Variants in GRM1 observed in about 807,000 individuals in gnomAD.
GRM1 encodes glutamate metabotropic receptor 1.
A neutral mutation model predicts 90.9 loss-of-function variants in GRM1; 33 were observed. The observed-to-expected ratio is 0.36, with a 90% CI of 0.28 to 0.49. GRM1 has a LOEUF of 0.49. Among genes scored for constraint, GRM1 ranks in the 20% least tolerant of loss-of-function variants. The pLI is 0.99. For missense variants in GRM1, 1,190 were observed against 1,534.3 expected, an observed-to-expected ratio of 0.78 and a Z score of 3.75; for synonymous variants, 700 against 613.2, an observed-to-expected ratio of 1.14 and a Z score of -2.09.
intron 2 of GRM1, among the ~76,000 whole-genome samples, chr6:146,298,367 G>C (rs1783260021): frequency 6.6e-6 from 1 of 152,114 alleles, no homozygotes. Context: ...TTTAGAATGA[G>C]AGATCACTAA....
intron 2 of GRM1, among the ~76,000 whole-genome samples, chr6:146,251,121 G>A (rs1322571675): frequency 1.3e-5 from 2 of 152,180 alleles, no homozygotes; most frequent in Non-Finnish European, 2.9e-5. Flanking sequence ...AACGTTAGTG[G>A]CCATCTATCT....
Position 146,434,815 on chromosome 6 carries a change from GA to G in GRM1, c.*23del. 1 of 1,584,728 alleles carries G rather than the reference GA, an allele frequency of 6.3e-7. No individual in the cohort carries two copies. The highest frequency in any genetic ancestry group is 8.6e-7 in the Non-Finnish European group (1 of 1,167,214). On this transcript the variant is annotated 3_prime_UTR_variant, in exon 8 of 8. Transcript: ENST00000282753. ...CCTGTAAGGGGGAAGGGTCCACATA[GA>G]AAAGCAAGACAAGCCAGAGATCTCC...
At chr6:146,246,809 A>G (rs1231730388) in intron 2 of GRM1, among the ~76,000 whole-genome samples, 10 of 152,206 alleles carry the variant, frequency 6.6e-5, no homozygotes, top group African/African-American at 2.4e-4. Context: ...TCCAAGTTAT[A>G]AAAGTTTTTG....
At chr6:146,325,371 G>A (rs746499863) in intron 3 of GRM1, among the ~76,000 whole-genome samples, 6 of 152,204 alleles carry the variant, frequency 3.9e-5, no homozygotes, top group Non-Finnish European at 7.3e-5. Flanking sequence ...TTGCATGGGT[G>A]TGAGAAACCA....
chr6:146,030,264 A>G (rs754221806), intron 1 of GRM1, 47 bp downstream of exon 1: 28 of 1,216,642 alleles, frequency 2.3e-5, no homozygotes, highest in Non-Finnish European at 3.0e-5. Context: ...AGTCAGGGCA[A>G]TGCATGATGT....
chr6:146,329,451 C>T (rs1452381216), intron 3 of GRM1, among the ~76,000 whole-genome samples: 1 of 152,114 alleles, frequency 6.6e-6, no homozygotes, highest in African/African-American at 2.4e-5. Flanking sequence ...GATCTTGAGA[C>T]CCCTGGCTTT....
intron 2 of GRM1, among the ~76,000 whole-genome samples, chr6:146,232,189 C>T (rs939037418): frequency 6.6e-6 from 1 of 152,106 alleles, no homozygotes; most frequent in East Asian, 1.9e-4. Context: ...ACCACACACT[C>T]GTGGATTAAG....
At chr6:146,172,804 T>C (rs143413167) in intron 2 of GRM1, among the ~76,000 whole-genome samples, 13 of 152,300 alleles carry the variant, frequency 8.5e-5, no homozygotes, top group African/African-American at 2.6e-4. Context: ...TTTGTTTTTG[T>C]CATATTTAAT....
intron 2 of GRM1, among the ~76,000 whole-genome samples, chr6:146,222,722 C>T (rs1333020819): frequency 1.3e-5 from 2 of 152,008 alleles, no homozygotes; most frequent in African/African-American, 4.8e-5. Flanking sequence ...TAGATGCACC[C>T]TAAAATAATG....
intron 3 of GRM1, among the ~76,000 whole-genome samples, chr6:146,347,973 A>G (rs1320600774): frequency 6.6e-6 from 1 of 152,238 alleles, no homozygotes; most frequent in Admixed American, 6.5e-5. Flanking sequence ...AGCTATTTTC[A>G]TAACCCACTG....
rs571622585 is a variant in GRM1, at chr6:146,418,270, C to T, written c.2661-15602C>T. Reference sequence around the variant, plus strand: ...AGTGAAAGAAAATATGTATGCAGCCCCATATAGTATCTTAGTTCCTGGGGT... The same window carrying T: ...AGTGAAAGAAAATATGTATGCAGCCTCATATAGTATCTTAGTTCCTGGGGT... On this transcript the variant is annotated intron_variant, in intron 7 of 7. Transcript: ENST00000282753. Among the ~76,000 whole-genome samples the T allele has an allele frequency of 1.5e-4, 22 of 151,688 alleles. No homozygotes were observed. In the South Asian group the frequency reaches 4.6e-3, roughly 32 times the overall value.
intron 2 of GRM1, among the ~76,000 whole-genome samples, chr6:146,174,064 C>T (rs1778244882): frequency 6.6e-6 from 1 of 151,854 alleles, no homozygotes; most frequent in South Asian, 2.1e-4. Flanking sequence ...CATCTTATCT[C>T]TAAGAGATAA....
chr6:146,052,348 C>T (rs897469231), intron 1 of GRM1, among the ~76,000 whole-genome samples: 12 of 152,008 alleles, frequency 7.9e-5, no homozygotes, highest in African/African-American at 2.9e-4. Flanking sequence ...GTTGTCACTT[C>T]TGGCTGCTCA....
chr6:146,130,717 T>G (rs1167502734), intron 1 of GRM1, among the ~76,000 whole-genome samples: 5 of 152,128 alleles, frequency 3.3e-5, no homozygotes. Context: ...GACACCTAAT[T>G]TTTGAGAAAT....
In GRM1 at chr6:146,079,409, T is replaced by C. The variant is rs555944560; in HGVS notation, c.700+49192T>C. The stretch of plus-strand genomic sequence containing the variant: ...GGAAAGGGTTAAAGTAAAAAGGGGG[T>C]ACTCTGCCAAAGAAGGGACCCCAAA... On this transcript the variant is annotated intron_variant, in intron 1 of 7. Transcript: ENST00000282753. 1.6e-4 allele frequency among the ~76,000 whole-genome samples: 24 copies of C among 152,208 alleles called. No homozygotes were observed. In the South Asian group the frequency reaches 4.6e-3, roughly 29 times the overall value.
chr6:146,267,631 GGCTGGGCTGC>G (rs1781943833), intron 2 of GRM1, among the ~76,000 whole-genome samples: 1 of 137,608 alleles, frequency 7.3e-6, no homozygotes, highest in African/African-American at 3.2e-5. Context: ...GGCTGGGCTG[GGCTGGGCTGC>G]GCTGGGCTGG....
rs372590505 is a variant in GRM1, at chr6:146,159,641, T to TCTCACACACA, written c.950+45_950+46insTCACACACAC. The TCTCACACACA allele has an allele frequency of 3.6e-3, 2,579 of 726,264 alleles. 18 individuals are homozygous for TCTCACACACA. The highest frequency in any genetic ancestry group is 0.022 in the African/African-American group (1,280 of 58,854). 45.0% of individuals were successfully genotyped at this position (726,264 alleles called of 1,614,324 possible). A position where few individuals can be genotyped will look rare whatever the true frequency, so the allele number is the denominator to read the frequency against. ...CTCTCTCTCTCTCTCTCTCTCTCTC[T>TCTCACACACA]CACACACACACATGCACACACACAC... is the stretch of plus-strand genomic sequence containing the variant. On this transcript the variant is annotated intron_variant, in intron 2 of 7. Coordinates refer to ENST00000282753, the MANE Select transcript of GRM1 (RefSeq NM_001278064.2).
In GRM1 at chr6:146,295,811, A is replaced by G. The variant is rs182641261; in HGVS notation, c.951-8800A>G. 1.7e-3 allele frequency among the ~76,000 whole-genome samples: 257 copies of G among 152,170 alleles called. 1 individual carries two copies. Among genetic ancestry groups the G allele is most frequent in the African/African-American group, 5.9e-3 (245 of 41,518 alleles). On this transcript the variant is annotated intron_variant, in intron 2 of 7. Transcript: ENST00000282753. ...AAATCATGTCAAGGGAGTTTGTTGT[A>G]CAGATTATTTCCTCACTGAGGTACT...
At chr6:146,403,835 A>T (rs1483717077) in intron 7 of GRM1, among the ~76,000 whole-genome samples, 1 of 152,130 alleles carries the variant, frequency 6.6e-6, no homozygotes, top group Non-Finnish European at 1.5e-5. Flanking sequence ...TTTAATTGAC[A>T]CATAATAACT....
Sources: allele counts gnomAD v4.1 joint callset (sites outside exome capture counted in the v4.1 genomes callset), GRCh38; gene constraint gnomAD v4.1.1; transcripts MANE v1.5; gene names NCBI Gene and HGNC (gene_info 2026-07-23, HGNC 2026-07-21).